The following WDR81 variants were observed in gnomAD, a reference collection of about 807,000 sequenced individuals.
WDR81 encodes the protein WD repeat domain 81.
A neutral mutation model predicts 140.8 loss-of-function variants in WDR81; 92 were observed. The ratio of observed to expected loss-of-function variants is 0.65; its 90% CI spans 0.55 to 0.78. WDR81 has a LOEUF of 0.78. Among genes scored for constraint, WDR81 ranks in the 30% least tolerant of loss-of-function variants. WDR81 has a pLI of 0.00. For synonymous variants in WDR81, 1,183 were observed against 1,156.4 expected (o/e 1.02, Z -0.47); for missense variants, 2,502 against 2,636.4 (o/e 0.95, Z 1.12).
Position 1,738,034 on chromosome 17 carries a change from TG to T in WDR81, c.*351del. On this transcript the variant is annotated 3_prime_UTR_variant, in exon 10 of 10. Coordinates refer to ENST00000409644, the MANE Select transcript of WDR81 (RefSeq NM_001163809.2). The stretch of plus-strand genomic sequence containing the variant: ...GAAGCTCGGGAAGGGGAAGGGAGAC[TG>T]GCCCTGCCCAGCCGGTCTCTAGCCC... 1 of 370,222 alleles carries T rather than the reference TG, an allele frequency of 2.7e-6. No homozygotes were observed. The highest frequency in any genetic ancestry group is 3.3e-5 in the South Asian group (1 of 30,396). The allele number at this position is 370,222 out of a possible 1,614,324, so 22.9% of individuals were successfully genotyped here.
chr17:1,716,719 G>A lies in WDR81; in HGVS notation c.-124+86G>A. ...CAGCCCCTCCTTGTTGGAGTCGTGA[G>A]TGCTTCTTTTAGACATTCCCCAAAC... On this transcript the variant is annotated intron_variant, in intron 1 of 10. Transcript: ENST00000309182. 7 of 1,448,814 alleles carry A rather than the reference G, an allele frequency of 4.8e-6. No individual in the cohort carries two copies. In the East Asian group the frequency reaches 1.5e-4, roughly 31 times the overall value. 89.7% of individuals were successfully genotyped at this position (1,448,814 alleles called of 1,614,324 possible). A position where few individuals can be genotyped will look rare whatever the true frequency, so the allele number is the denominator to read the frequency against.
intron 7 of WDR81, among the ~76,000 whole-genome samples, chr17:1,734,483 G>T (rs12051752): frequency 0.23 from 35,375 of 152,148 alleles, 5,106 homozygotes; most frequent in East Asian, 0.5. Context: ...AAAAACTGGC[G>T]TAGAAGATAA....
rs1009518612 is a variant in WDR81 at position 1,724,933 on chromosome 17, G to T, written c.-27G>T. 1.1e-4 allele frequency: 159 copies of T among 1,383,144 alleles called. No homozygotes were observed. Among genetic ancestry groups the T allele is most frequent in the Non-Finnish European group, 1.4e-4 (151 of 1,073,866 alleles). The allele number at this position is 1,383,144 out of a possible 1,614,324, so 85.7% of individuals were successfully genotyped here. A position where few individuals can be genotyped will look rare whatever the true frequency, so the allele number is the denominator to read the frequency against. On this transcript the variant is annotated 5_prime_UTR_variant, in exon 1 of 10. Transcript: ENST00000409644. ...CAGGGCCGTGGCTGGGCTCAGCCCCGCGCTGCCCCCGGGCGGCCTGGAGGA... is the reference window on the plus strand; with the variant it reads ...CAGGGCCGTGGCTGGGCTCAGCCCCTCGCTGCCCCCGGGCGGCCTGGAGGA...
chr17:1,728,205 A>G lies in WDR81; in HGVS notation c.3246A>G (p.Thr1082=). 1 of 1,605,486 alleles carries G rather than the reference A, an allele frequency of 6.2e-7. No homozygotes were observed. The highest frequency in any genetic ancestry group is 8.5e-7 in the Non-Finnish European group (1 of 1,174,268). ...ACGACCAGGCTGACCTCCCTGAGAC[A>G]GAGGACTTCCAAGCCGGGCTCTATG... ...SFHDQADLPE[T]EDFQAGLYVT... is the part of the protein sequence containing the mutation. Residue 1082 remains threonine (T), a synonymous_variant, in exon 1 of 10, where the codon ACA becomes ACG. Coordinates refer to ENST00000409644, the MANE Select transcript of WDR81 (RefSeq NM_001163809.2).
chr17:1,731,149 C>T lies in WDR81; in HGVS notation c.4048C>T (p.Gln1350Ter). 1 of 1,613,396 alleles carries T rather than the reference C, an allele frequency of 6.2e-7. No individual in the cohort carries two copies. The highest frequency in any genetic ancestry group is 8.5e-7 in the Non-Finnish European group (1 of 1,180,014). ...GCTGCTGGCCGCGGTGACGCTGACTCAGAAGATCATCGTGTACCTCTCAGA... is the reference window on the plus strand; with the variant it reads ...GCTGCTGGCCGCGGTGACGCTGACTTAGAAGATCATCGTGTACCTCTCAGA... ...AGLLAAVTLT[Q>*]KIIVYLSDTT... The change falls in exon 4 of 10, where the codon CAG becomes TAG. Residue 1350 changes from glutamine (Q) to a stop codon, truncating the protein, a stop_gained. Coordinates refer to ENST00000409644, the MANE Select transcript of WDR81 (RefSeq NM_001163809.2). LOFTEE classifies it high-confidence loss of function.
upstream of WDR81, among the ~76,000 whole-genome samples, chr17:1,721,085 C>T (rs1245465146): frequency 6.6e-6 from 1 of 152,176 alleles, no homozygotes; most frequent in East Asian, 1.9e-4. Flanking sequence ...TCTATTGGTA[C>T]TAAGAAGCAA....
intron 4 of WDR81, 60 bp downstream of exon 4, chr17:1,731,318 G>T (rs1213164271): frequency 3.9e-6 from 6 of 1,549,624 alleles, no homozygotes; most frequent in South Asian, 1.2e-5. Flanking sequence ...TGCCCAGGAG[G>T]GGGTGGGAAG....
intron 1 of WDR81, among the ~76,000 whole-genome samples, chr17:1,728,885 G>A (rs1318311501): frequency 1.3e-5 from 2 of 152,010 alleles, no homozygotes; most frequent in South Asian, 2.1e-4. Context: ...CCCGGGAGGC[G>A]GAGCTTGCAG....
chr17:1,733,194 C>T (rs748597894), intron 6 of WDR81, among the ~76,000 whole-genome samples: 2 of 152,144 alleles, frequency 1.3e-5, no homozygotes, highest in Non-Finnish European at 2.9e-5. Context: ...GTGTCATCTC[C>T]CTGGAGAGGA....
chr17:1,717,375 A>C (rs1449842114), intron 1 of WDR81, among the ~76,000 whole-genome samples: 1 of 152,224 alleles, frequency 6.6e-6, no homozygotes, highest in Non-Finnish European at 1.5e-5. Flanking sequence ...AAAGAGGAAC[A>C]TGTGGACTGA....
Position 1,737,714 on chromosome 17 carries a change from T to TGGGAAGACATCTGCGGGC in WDR81, c.*31_*48dup, listed in dbSNP as rs750082551. ...GAGGCAGGAGCTGGCCGGGCAAGGG[T>TGGGAAGACATCTGCGGGC]GGGAAGACATCTGCGGGCGCGTGTC... On this transcript the variant is annotated 3_prime_UTR_variant, in exon 10 of 10. Coordinates refer to ENST00000409644, the MANE Select transcript of WDR81 (RefSeq NM_001163809.2). The TGGGAAGACATCTGCGGGC allele has an allele frequency of 3.8e-6, 6 of 1,579,296 alleles. No homozygotes were observed. In the South Asian group the frequency reaches 6.9e-5, roughly 18 times the overall value.
At chr17:1,730,161 C>T (rs1444039356) in intron 1 of WDR81, among the ~76,000 whole-genome samples, 1 of 152,170 alleles carries the variant, frequency 6.6e-6, no homozygotes, top group Non-Finnish European at 1.5e-5. Flanking sequence ...GCGGGTCGTG[C>T]CTGTGGAGAG....
At chr17:1,722,037 C>T (rs1053031709), upstream of WDR81, among the ~76,000 whole-genome samples, 1 of 152,028 alleles carries the variant, frequency 6.6e-6, no homozygotes, top group Admixed American at 6.6e-5. Context: ...GCAGGAGAAT[C>T]GCTTGAACCC....
At chr17:1,719,001 G>C (rs1373703581) in intron 1 of WDR81, among the ~76,000 whole-genome samples, 3 of 152,112 alleles carry the variant, frequency 2.0e-5, no homozygotes, top group African/African-American at 7.2e-5. Context: ...TGTCCTAGAT[G>C]TCAGTGGCAA....
In WDR81 at chr17:1,727,551, C is replaced by T. The variant is rs779540705; in HGVS notation, c.2592C>T (p.Leu864=). 35 of 1,550,366 alleles carry T rather than the reference C, an allele frequency of 2.3e-5. No homozygotes were observed. Among genetic ancestry groups the T allele is most frequent in the Middle Eastern group, 1.7e-4 (1 of 6,014 alleles). Residue 864 remains leucine, a synonymous_variant, in exon 1 of 10, where the codon CTC becomes CTT. Transcript: ENST00000409644. ...CCCCACCCTGCCCAAGCCAGCTTCT[C>T]AGCCCCTTCAGCTCCGTGGTTCCCT... ...GLPPPCPSQL[L]SPFSSVVPFP...
At position 1,727,861 on chromosome 17, in the gene WDR81, G is replaced by T. The variant is rs1432814102; in HGVS notation, c.2902G>T (p.Gly968Cys). The T allele has an allele frequency of 6.4e-7, 1 of 1,550,764 alleles. No individual in the cohort carries two copies. Among genetic ancestry groups the T allele is most frequent in the Non-Finnish European group, 8.7e-7 (1 of 1,147,078 alleles). ...ANKYLLKPLI[G>C]AYESPCQLHG... ...TAAGTACCTCCTGAAGCCGCTCATT[G>T]GTGCCTACGAGAGCCCCTGCCAGCT... is the stretch of plus-strand genomic sequence containing the variant. The change falls in exon 1 of 10, where the codon GGT (glycine) becomes TGT (cysteine). Residue 968 changes from glycine (G) to cysteine (C), a missense_variant. This residue lies in a region of WDR81 where 1,737 missense variants were observed against 1,843.0 expected (regional missense o/e 0.94). Transcript: ENST00000409644.
In WDR81 at chr17:1,728,141, G is replaced by T; in HGVS notation, c.3182G>T (p.Gly1061Val). 1 of 1,607,254 alleles carries T rather than the reference G, an allele frequency of 6.2e-7. No homozygotes were observed. Among genetic ancestry groups the T allele is most frequent in the Non-Finnish European group, 8.5e-7 (1 of 1,176,060 alleles). ...GATGGGGAGCCTCCTGCCTCCTCGG[G>T]CCTGGGGCTCCCAGACTACACGTCT... ...PMDGEPPASS[G>V]LGLPDYTSGV... is the part of the protein sequence containing the mutation. The change falls in exon 1 of 10, where the codon GGC (glycine) becomes GTC (valine). Residue 1061 changes from glycine to valine, a missense_variant. Around this residue, in one of 3 missense-constraint regions of WDR81, gnomAD observed 1,737 missense variants for 1,843.0 expected, o/e 0.94. Coordinates refer to ENST00000409644, the MANE Select transcript of WDR81 (RefSeq NM_001163809.2).
chr17:1,726,239 G>T lies in WDR81; in HGVS notation c.1280G>T (p.Gly427Val). 6.5e-7 allele frequency: 1 copy of T among 1,531,604 alleles called. No individual in the cohort carries two copies. Among genetic ancestry groups the T allele is most frequent in the Non-Finnish European group, 8.8e-7 (1 of 1,136,192 alleles). 94.9% of individuals were successfully genotyped at this position (1,531,604 alleles called of 1,614,324 possible). A position where few individuals can be genotyped will look rare whatever the true frequency, so the allele number is the denominator to read the frequency against. ...ATGACACGGCAGGCATTCGTAGCAG[G>T]CGGGGCGGGCGGCGGGGAACCCCCT... ...YEMTRQAFVAGGAGGGEPPHV... is the reference protein window; with the variant it reads ...YEMTRQAFVAVGAGGGEPPHV... The change falls in exon 1 of 10, where the codon GGC (glycine) becomes GTC (valine). Residue 427 changes from glycine (G) to valine (V), a missense_variant. Around this residue, in one of 3 missense-constraint regions of WDR81, gnomAD observed 218 missense variants for 279.6 expected, o/e 0.78. Coordinates refer to ENST00000409644, the MANE Select transcript of WDR81 (RefSeq NM_001163809.2).
upstream of WDR81, among the ~76,000 whole-genome samples, chr17:1,720,605 C>T (rs1331677067): frequency 6.6e-6 from 1 of 151,802 alleles, no homozygotes; most frequent in Non-Finnish European, 1.5e-5. Flanking sequence ...GGTGAAACCC[C>T]ATCTCTACTA....
Sources: gnomAD v4.1 joint callset for allele counts (sites outside exome capture counted in the v4.1 genomes callset) on GRCh38, gnomAD v4.1.1 for gene constraint, gnomAD v4.1.1 regional missense constraint, MANE v1.5 for transcripts, NCBI Gene and HGNC (gene_info 2026-07-23, HGNC 2026-07-21) for gene names.